PLCL1: variants seen among roughly 807,000 people sequenced by gnomAD.
The protein encoded by PLCL1 is inactive phospholipase C-like protein 1.
Under a neutral mutation model 84.4 loss-of-function variants are expected in PLCL1, and 41 were observed. The observed-to-expected ratio is 0.49, with a 90% CI of 0.38 to 0.63. PLCL1 has a LOEUF of 0.63. Among genes scored for constraint, PLCL1 ranks in the 30% least tolerant of loss-of-function variants. The pLI is 0.00. For synonymous variants in PLCL1, 490 were observed against 488.3 expected (o/e 1.00, Z -0.05); for missense variants, 1,206 against 1,367.8 (o/e 0.88, Z 1.87).
At chr2:197,867,762 T>A (rs1158838172) in intron 1 of PLCL1, among the ~76,000 whole-genome samples, 1 of 152,118 alleles carries the variant, frequency 6.6e-6, no homozygotes, top group Non-Finnish European at 1.5e-5. Flanking sequence ...CCTACTCTGC[T>A]CCAGGATTTC....
chr2:197,964,007 T>C (rs1266976936), intron 1 of PLCL1, among the ~76,000 whole-genome samples: 1 of 152,120 alleles, frequency 6.6e-6, no homozygotes, highest in African/African-American at 2.4e-5. Context: ...TACTGTAGCT[T>C]TGTAGTATAA....
intron 1 of PLCL1, among the ~76,000 whole-genome samples, chr2:197,875,032 T>C (rs544816656): frequency 3.2e-4 from 49 of 152,246 alleles, no homozygotes; most frequent in African/African-American, 1.1e-3. Context: ...ATGACTGTAA[T>C]CCCAGCACTT....
rs1338366113 is a variant in PLCL1 at position 197,967,210 on chromosome 2, T to A, written c.241-116548T>A. On this transcript the variant is annotated intron_variant, in intron 1 of 5. Coordinates refer to ENST00000428675, the MANE Select transcript of PLCL1 (RefSeq NM_006226.4). ...ACATTAGCAGTTTATTTATTTATTT[T>A]TTTTGGAATGGAGTCTTGCTCTGTC... 2.6e-5 allele frequency among the ~76,000 whole-genome samples: 4 copies of A among 152,078 alleles called. No individual in the cohort carries two copies. The South Asian group carries it at 8.3e-4, about 32-fold the overall frequency.
chr2:197,947,002 G>C (rs1350388786), intron 1 of PLCL1, among the ~76,000 whole-genome samples: 1 of 152,050 alleles, frequency 6.6e-6, no homozygotes, highest in Non-Finnish European at 1.5e-5. Context: ...TGGAGGAGAA[G>C]GGACTAGATG....
chr2:198,117,101 G>A (rs1046915153), intron 5 of PLCL1, among the ~76,000 whole-genome samples: 12 of 151,894 alleles, frequency 7.9e-5, no homozygotes, highest in African/African-American at 2.7e-4. Flanking sequence ...GTTCATGAAT[G>A]TGTTGCCTGG....
intron 1 of PLCL1, among the ~76,000 whole-genome samples, chr2:198,046,221 C>T (rs922210864): frequency 4.6e-5 from 7 of 152,198 alleles, no homozygotes; most frequent in South Asian, 4.1e-4. Flanking sequence ...ATCTAGACTG[C>T]GAAGCCTAAA....
chr2:197,876,079 A>G (rs1215237844), intron 1 of PLCL1, among the ~76,000 whole-genome samples: 1 of 152,212 alleles, frequency 6.6e-6, no homozygotes, highest in East Asian at 1.9e-4. Context: ...AACTATAAAA[A>G]CATTTTTGTA....
intron 1 of PLCL1, among the ~76,000 whole-genome samples, chr2:197,915,705 G>C (rs1329627045): frequency 6.6e-6 from 1 of 152,060 alleles, no homozygotes; most frequent in Non-Finnish European, 1.5e-5. Flanking sequence ...CAGCTCAACT[G>C]CTTCCCTTCC....
intron 1 of PLCL1, among the ~76,000 whole-genome samples, chr2:197,901,734 G>T (rs1415398210): frequency 6.6e-6 from 1 of 152,192 alleles, no homozygotes; most frequent in Non-Finnish European, 1.5e-5. Flanking sequence ...AGATTTGGGA[G>T]CAAAGTTATT....
chr2:197,916,822 C>G (rs957221956), intron 1 of PLCL1, among the ~76,000 whole-genome samples: 1 of 152,148 alleles, frequency 6.6e-6, no homozygotes, highest in East Asian at 1.9e-4. Context: ...AGATACCTCA[C>G]TAAAAATATA....
At chr2:197,902,201 G>C (rs992337316) in intron 1 of PLCL1, among the ~76,000 whole-genome samples, 1 of 152,048 alleles carries the variant, frequency 6.6e-6, no homozygotes, top group African/African-American at 2.4e-5. Flanking sequence ...GGCCTGATAC[G>C]CAGCTATCCT....
At chr2:198,134,348 A>G (rs560675872) in intron 5 of PLCL1, among the ~76,000 whole-genome samples, 2 of 152,204 alleles carry the variant, frequency 1.3e-5, no homozygotes, top group East Asian at 3.9e-4. Flanking sequence ...CAAACCAGTC[A>G]TTGTGGAGGA....
At chr2:198,119,766 A>G (rs1359713399) in intron 5 of PLCL1, among the ~76,000 whole-genome samples, 2 of 151,938 alleles carry the variant, frequency 1.3e-5, no homozygotes, top group African/African-American at 4.8e-5. Flanking sequence ...ATGTGTCCCT[A>G]TGTCTTTTTC....
At chr2:198,035,806 G>A (rs1232203725) in intron 1 of PLCL1, among the ~76,000 whole-genome samples, 6 of 152,314 alleles carry the variant, frequency 3.9e-5, no homozygotes, top group Middle Eastern at 3.4e-3. Flanking sequence ...AGGCCAAGGC[G>A]GGCAGATCAC....
chr2:198,133,359 C>T (rs1415184248), intron 5 of PLCL1, among the ~76,000 whole-genome samples: 1 of 125,240 alleles, frequency 8.0e-6, no homozygotes, highest in Non-Finnish European at 1.6e-5. Flanking sequence ...GGGAATACCA[C>T]ACTCTGGGGA....
intron 1 of PLCL1, among the ~76,000 whole-genome samples, chr2:198,020,873 G>A (rs577078697): frequency 2.2e-4 from 34 of 152,076 alleles, no homozygotes; most frequent in Non-Finnish European, 4.3e-4. Flanking sequence ...TTCAGGACTG[G>A]AACTCAGCTC....
At chr2:198,059,740 A>G (rs1692148342) in intron 1 of PLCL1, among the ~76,000 whole-genome samples, 1 of 152,144 alleles carries the variant, frequency 6.6e-6, no homozygotes, top group South Asian at 2.1e-4. Context: ...TTTCTCAGGA[A>G]ATTGGGAAAG....
chr2:197,990,493 T>C (rs1272331280), intron 1 of PLCL1, among the ~76,000 whole-genome samples: 1 of 152,188 alleles, frequency 6.6e-6, no homozygotes, highest in East Asian at 1.9e-4. Context: ...TCCACATGGC[T>C]GGGGAGGCCT....
At chr2:198,070,184 G>C (rs565558375) in intron 1 of PLCL1, among the ~76,000 whole-genome samples, 40 of 152,220 alleles carry the variant, frequency 2.6e-4, no homozygotes, top group African/African-American at 9.6e-4. Flanking sequence ...TAACCTATAT[G>C]TAATTCTTAC....
Sources: allele counts gnomAD v4.1 joint callset (sites outside exome capture counted in the v4.1 genomes callset), GRCh38; gene constraint gnomAD v4.1.1; transcripts MANE v1.5; gene names NCBI Gene and HGNC (gene_info 2026-07-23, HGNC 2026-07-21).